The following AUH variants were observed in gnomAD, a reference collection of about 807,000 sequenced individuals.
AUH encodes the protein methylglutaconyl-CoA hydratase, mitochondrial.
A neutral mutation model predicts 42.3 loss-of-function variants in AUH; 29 were observed. The observed-to-expected ratio is 0.69, with a 90% CI of 0.51 to 0.93. The LOEUF (loss-of-function observed/expected upper bound fraction) is 0.93. AUH is among the 40% of genes least tolerant of loss of function. The pLI is 0.00. For synonymous variants in AUH, 174 were observed against 166.4 expected (o/e 1.05, Z -0.35); for missense variants, 452 against 438.1 (o/e 1.03, Z -0.28).
chr9:91,357,807 T>TA (rs1587934480), intron 1 of AUH, among the ~76,000 whole-genome samples: 1 of 152,126 alleles, frequency 6.6e-6, no homozygotes, highest in East Asian at 1.9e-4. Context: ...TCCTGTAACC[T>TA]ACGAGGGGGA....
chr9:91,221,690 C>T (rs1267701539), intron 6 of AUH, among the ~76,000 whole-genome samples: 6 of 151,966 alleles, frequency 3.9e-5, no homozygotes, highest in African/African-American at 1.5e-4. Context: ...TTAGGGACTT[C>T]GGGAGTTCAT....
intron 6 of AUH, among the ~76,000 whole-genome samples, chr9:91,241,951 C>T (rs1828544232): frequency 6.6e-6 from 1 of 152,172 alleles, no homozygotes; most frequent in Non-Finnish European, 1.5e-5. Context: ...TTGTGCACTA[C>T]AAGTTACTCT....
intron 6 of AUH, among the ~76,000 whole-genome samples, chr9:91,284,377 C>T (rs1826229430): frequency 6.6e-6 from 1 of 152,146 alleles, no homozygotes; most frequent in Admixed American, 6.5e-5. Flanking sequence ...AAAACCTAGG[C>T]AATACCATTC....
At chr9:91,284,301 C>A (rs1021986611) in intron 6 of AUH, among the ~76,000 whole-genome samples, 44 of 152,166 alleles carry the variant, frequency 2.9e-4, no homozygotes, top group African/African-American at 1.0e-3. Flanking sequence ...ATAACTTATA[C>A]AAAAATTAAT....
At chr9:91,230,747 T>G (rs1194033162) in intron 6 of AUH, among the ~76,000 whole-genome samples, 1 of 152,292 alleles carries the variant, frequency 6.6e-6, no homozygotes, top group East Asian at 1.9e-4. Context: ...GGATGTCCTT[T>G]CTGTTTGTTA....
chr9:91,288,555 T>A (rs1826603619), intron 6 of AUH, among the ~76,000 whole-genome samples: 1 of 152,076 alleles, frequency 6.6e-6, no homozygotes, highest in Admixed American at 6.6e-5. Context: ...AAATCAATAG[T>A]GTTTCACTTT....
chr9:91,318,355 C>T lies in AUH; in HGVS notation c.505+6963G>A, dbSNP rs180998183. Among the ~76,000 whole-genome samples, 89 of 152,300 alleles carry T rather than the reference C, an allele frequency of 5.8e-4. 1 individual carries two copies. Among genetic ancestry groups the T allele is most frequent in the African/African-American group, 2.0e-3 (85 of 41,552 alleles). On this transcript the variant is annotated intron_variant, in intron 4 of 9. Coordinates refer to ENST00000375731, the MANE Select transcript of AUH (RefSeq NM_001698.3). Reference sequence around the variant, plus strand: ...TCCTTTCCTCTTTTCATCCCAGTCTCAAGACACAGCTTTGAGACAAACTAC... The same window carrying T: ...TCCTTTCCTCTTTTCATCCCAGTCTTAAGACACAGCTTTGAGACAAACTAC...
chr9:91,313,197 G>A (rs2131775865), intron 4 of AUH, among the ~76,000 whole-genome samples: 1 of 152,272 alleles, frequency 6.6e-6, no homozygotes, highest in Non-Finnish European at 1.5e-5. Context: ...CCTTAATAAA[G>A]TTTCAATTTG....
chr9:91,294,945 A>T (rs1827198552), intron 6 of AUH: 1 of 351,832 alleles, frequency 2.8e-6, no homozygotes, highest in Admixed American at 3.5e-5. Context: ...TCCCCACCCA[A>T]ATCTCATCCT....
intron 4 of AUH, among the ~76,000 whole-genome samples, chr9:91,308,266 C>A (rs1828384675): frequency 6.6e-6 from 1 of 152,094 alleles, no homozygotes; most frequent in South Asian, 2.1e-4. Context: ...GAGACTGGGG[C>A]AGGAGGATCA....
chr9:91,280,048 T>G (rs930584640), intron 6 of AUH, among the ~76,000 whole-genome samples: 3 of 152,146 alleles, frequency 2.0e-5, no homozygotes, highest in Admixed American at 2.0e-4. Flanking sequence ...GTCCAAACAA[T>G]TCACACCCTG....
At chr9:91,283,715 C>G (rs1031145879) in intron 6 of AUH, among the ~76,000 whole-genome samples, 29 of 151,200 alleles carry the variant, frequency 1.9e-4, no homozygotes, top group African/African-American at 3.9e-4. Flanking sequence ...ATTCACAATT[C>G]CTTCAAAGAG....
At chr9:91,297,076 C>T (rs746783988) in intron 5 of AUH, among the ~76,000 whole-genome samples, 1 of 152,222 alleles carries the variant, frequency 6.6e-6, no homozygotes, top group Non-Finnish European at 1.5e-5. Flanking sequence ...AGAGCTGAGT[C>T]TCTATGGATA....
chr9:91,358,792 C>A (rs1564137449), intron 1 of AUH, among the ~76,000 whole-genome samples: 1 of 152,164 alleles, frequency 6.6e-6, no homozygotes, highest in East Asian at 1.9e-4. Flanking sequence ...AGTACTTCCA[C>A]TTCAAAAAGC....
chr9:91,253,237 G>C (rs951090173), intron 6 of AUH, among the ~76,000 whole-genome samples: 1 of 152,170 alleles, frequency 6.6e-6, no homozygotes, highest in Non-Finnish European at 1.5e-5. Context: ...ATGTTTAATA[G>C]ATGCACAGAT....
At chr9:91,256,458 A>C (rs1479180173) in intron 6 of AUH, among the ~76,000 whole-genome samples, 1 of 152,100 alleles carries the variant, frequency 6.6e-6, no homozygotes, top group Non-Finnish European at 1.5e-5. Context: ...CAGCACAGCT[A>C]CTGGCATCAC....
chr9:91,214,105 A>C lies in AUH; in HGVS notation c.*243T>G. 2.3e-6 allele frequency: 1 copy of C among 429,266 alleles called. No homozygotes were observed. The highest frequency in any genetic ancestry group is 4.2e-6 in the Non-Finnish European group (1 of 236,278). 26.6% of individuals were successfully genotyped at this position (429,266 alleles called of 1,614,324 possible). ...ATGCAGTAAATATTTAAAAATGTAT[A>C]TCTAACTTTGATTCTGTTTCTGACT... On this transcript the variant is annotated 3_prime_UTR_variant, in exon 10 of 10. Transcript: ENST00000375731.
intron 3 of AUH, among the ~76,000 whole-genome samples, chr9:91,355,482 G>C (rs1350466428): frequency 1.3e-5 from 2 of 152,046 alleles, no homozygotes; most frequent in Non-Finnish European, 2.9e-5. Flanking sequence ...ACTTGAACTG[G>C]GGAGACGAGG....
intron 4 of AUH, among the ~76,000 whole-genome samples, chr9:91,312,010 CTTTT>C (rs57982846): frequency 7.0e-6 from 1 of 142,940 alleles, no homozygotes; most frequent in African/African-American, 2.6e-5. Context: ...AGTCACATGA[CTTTT>C]TTTTTTTTTT....
Sources: allele counts gnomAD v4.1 joint callset (sites outside exome capture counted in the v4.1 genomes callset), GRCh38; gene constraint gnomAD v4.1.1; transcripts MANE v1.5; gene names NCBI Gene and HGNC (gene_info 2026-07-23, HGNC 2026-07-21).